COL13A1: variants seen among roughly 807,000 people sequenced by gnomAD.
The protein encoded by COL13A1 is collagen alpha-1(XIII) chain.
Under a neutral mutation model 130.9 loss-of-function variants are expected in COL13A1, and 89 were observed. The observed-to-expected ratio is 0.68, with a 90% CI of 0.57 to 0.81. The LOEUF (loss-of-function observed/expected upper bound fraction) is 0.81. COL13A1 is among the 30% of genes least tolerant of loss of function. The probability of loss-of-function intolerance (pLI) is 0.00; values close to 1 mark genes in which losing one functional copy is unlikely to be tolerated. For synonymous variants in COL13A1, 402 were observed against 341.6 expected, an observed-to-expected ratio of 1.18 and a Z score of -1.95; for missense variants, 879 against 934.6, an observed-to-expected ratio of 0.94 and a Z score of 0.78.
rs574179183 is a variant in COL13A1 at position 69,828,674 on chromosome 10, C to G, written c.364+6236C>G. ...ACCCCTCCATGTCAGCTACATCATC[C>G]CTGCAGCTCCTTCCATCCTCTCCTC... On this transcript the variant is annotated intron_variant, in intron 2 of 40. Coordinates refer to ENST00000645393, the MANE Select transcript of COL13A1 (RefSeq NM_001368882.1). 2.0e-5 allele frequency among the ~76,000 whole-genome samples: 3 copies of G among 152,302 alleles called. No individual in the cohort carries two copies. In the South Asian group the frequency reaches 6.2e-4, roughly 32 times the overall value.
chr10:69,857,129 A>C (rs946794825), intron 2 of COL13A1, among the ~76,000 whole-genome samples: 1 of 151,714 alleles, frequency 6.6e-6, no homozygotes, highest in Non-Finnish European at 1.5e-5. Context: ...TAAAATTGGG[A>C]CTCCAGTCTC....
rs529997084 is a variant in COL13A1, at chr10:69,945,706, G to A, written c.2004G>A (p.Thr668=). The A allele has an allele frequency of 2.2e-5, 36 of 1,612,630 alleles. No individual in the cohort carries two copies. The East Asian group carries it at 4.9e-4, about 22-fold the overall frequency. ...SKGDPGMTGP[T]GAAGLPGLHG... is the part of the protein sequence containing the mutation. Reference sequence around the variant, plus strand: ...GAGACCCTGGGATGACAGGACCAACGGGAGCAGCTGGGCTTCCTGTGAGTC... The same window carrying A: ...GAGACCCTGGGATGACAGGACCAACAGGAGCAGCTGGGCTTCCTGTGAGTC... The change falls in exon 37 of 41, where the codon ACG becomes ACA. Residue 668 remains threonine (T), a synonymous_variant. Coordinates refer to ENST00000645393, the MANE Select transcript of COL13A1 (RefSeq NM_001368882.1).
chr10:69,827,436 TC>T (rs1847758540), intron 2 of COL13A1, among the ~76,000 whole-genome samples: 1 of 152,202 alleles, frequency 6.6e-6, no homozygotes, highest in African/African-American at 2.4e-5. Context: ...TGATGTCTGC[TC>T]TGGATACAGG....
intron 4 of COL13A1, among the ~76,000 whole-genome samples, chr10:69,872,727 G>C (rs2059195560): frequency 6.6e-6 from 1 of 152,216 alleles, no homozygotes; most frequent in Admixed American, 6.5e-5. Flanking sequence ...ATCTCTTATT[G>C]AAACCGTAAG....
chr10:69,855,725 G>A (rs77097238), intron 2 of COL13A1, among the ~76,000 whole-genome samples: 10 of 136,236 alleles, frequency 7.3e-5, no homozygotes, highest in East Asian at 2.2e-4. Context: ...TCCTGGGGCC[G>A]GGGACTTATG....
chr10:69,884,504 G>T (rs2060435236), intron 7 of COL13A1, among the ~76,000 whole-genome samples: 1 of 152,194 alleles, frequency 6.6e-6, no homozygotes, highest in South Asian at 2.1e-4. Context: ...TTTCCAACAA[G>T]AATCTTCTGT....
At chr10:69,863,575 A>G (rs1469086586) in intron 2 of COL13A1, among the ~76,000 whole-genome samples, 1 of 152,118 alleles carries the variant, frequency 6.6e-6, no homozygotes, top group Non-Finnish European at 1.5e-5. Context: ...CCCCCTGTCC[A>G]GGACCAGGAC....
intron 1 of COL13A1, among the ~76,000 whole-genome samples, chr10:69,812,008 C>T (rs1156845635): frequency 6.6e-6 from 1 of 152,172 alleles, no homozygotes; most frequent in African/African-American, 2.4e-5. Context: ...AGCTGCCCCC[C>T]TAACTCTTCT....
chr10:69,936,091 A>AG (rs2066812613), intron 32 of COL13A1, among the ~76,000 whole-genome samples: 2 of 90,208 alleles, frequency 2.2e-5, no homozygotes, highest in South Asian at 5.4e-4. Context: ...GAGGGAGGGA[A>AG]GGAGGGAAGG....
At chr10:69,910,790 G>A (rs1441775525) in intron 17 of COL13A1, among the ~76,000 whole-genome samples, 1 of 152,248 alleles carries the variant, frequency 6.6e-6, no homozygotes, top group Non-Finnish European at 1.5e-5. Context: ...GGGTTGACGA[G>A]TATTGTCAGA....
intron 7 of COL13A1, 136 bp downstream of exon 7, chr10:69,880,689 AG>A: frequency 2.3e-6 from 2 of 868,064 alleles, no homozygotes; most frequent in South Asian, 3.0e-5. Flanking sequence ...TGATGTGGTC[AG>A]CCCAGCCAGG....
chr10:69,958,601 C>A, intron 40 of COL13A1, 98 bp from the exon 41 acceptor site: 3 of 1,591,122 alleles, frequency 1.9e-6, no homozygotes, highest in Non-Finnish European at 2.6e-6. Context: ...GAACTCCCAT[C>A]CAACCCAGGA....
chr10:69,919,869 G>C, intron 21 of COL13A1, 142 bp downstream of exon 21: 1 of 396,922 alleles, frequency 2.5e-6, no homozygotes, highest in Non-Finnish European at 4.4e-6. Flanking sequence ...GTGGCAGGAC[G>C]GCCTGGCCAA....
intron 1 of COL13A1, among the ~76,000 whole-genome samples, chr10:69,810,772 G>A (rs1842834063): frequency 6.6e-6 from 1 of 152,200 alleles, no homozygotes; most frequent in African/African-American, 2.4e-5. Flanking sequence ...TGCGCTGGGT[G>A]TTGTCTGGGC....
chr10:69,911,764 T>C (rs896244335), intron 17 of COL13A1, among the ~76,000 whole-genome samples: 1 of 152,252 alleles, frequency 6.6e-6, no homozygotes, highest in East Asian at 1.9e-4. Flanking sequence ...TGCCAAAGAA[T>C]TAAGGAAGTG....
chr10:69,929,914 CAGTT>C (rs1443478829), intron 28 of COL13A1, 125 bp from the exon 29 acceptor site: 2 of 763,636 alleles, frequency 2.6e-6, no homozygotes, highest in South Asian at 1.7e-5. Flanking sequence ...CCCAGCAACA[CAGTT>C]AGAATTAAAT....
chr10:69,815,876 A>G (rs1844347989), intron 1 of COL13A1, among the ~76,000 whole-genome samples: 1 of 107,340 alleles, frequency 9.3e-6, no homozygotes, highest in Non-Finnish European at 2.0e-5. Flanking sequence ...ACAATAAGTA[A>G]GAAAAATAAG....
intron 7 of COL13A1, among the ~76,000 whole-genome samples, chr10:69,883,307 G>A (rs558754952): frequency 6.6e-6 from 1 of 152,304 alleles, no homozygotes; most frequent in East Asian, 1.9e-4. Flanking sequence ...CCTAGGAAAT[G>A]CCCTACCTCA....
chr10:69,872,064 TA>T (rs2059125135), intron 3 of COL13A1, 119 bp from the exon 4 acceptor site: 1 of 1,198,968 alleles, frequency 8.3e-7, no homozygotes, highest in Non-Finnish European at 1.2e-6. Context: ...GTTTTGTTCA[TA>T]AAATAACAAA....
Sources: allele counts gnomAD v4.1 joint callset (sites outside exome capture counted in the v4.1 genomes callset), GRCh38; gene constraint gnomAD v4.1.1; transcripts MANE v1.5; gene names NCBI Gene and HGNC (gene_info 2026-07-23, HGNC 2026-07-21).